Variants in SMG6 observed in about 807,000 individuals in gnomAD.
The protein encoded by SMG6 is telomerase-binding protein EST1A.
SMG6 carries 66 observed loss-of-function variants against 142.2 expected under a neutral mutation model. That is an observed-to-expected ratio of 0.46 (90% CI 0.38 to 0.57). The LOEUF (loss-of-function observed/expected upper bound fraction) is 0.57, where lower values mean the gene tolerates loss of function less well. Among genes scored for constraint, SMG6 ranks in the 20% least tolerant of loss-of-function variants. SMG6 has a pLI of 0.00. For synonymous variants in SMG6, 779 were observed against 702.4 expected, an observed-to-expected ratio of 1.11 and a Z score of -1.72; for missense variants, 1,793 against 1,832.0, an observed-to-expected ratio of 0.98 and a Z score of 0.39.
intron 15 of SMG6, among the ~76,000 whole-genome samples, chr17:2,070,835 T>A (rs1384293226): frequency 6.6e-6 from 1 of 152,090 alleles, no homozygotes; most frequent in Non-Finnish European, 1.5e-5. Context: ...ACCCTCTACA[T>A]AGGGCTGCCA....
chr17:2,194,707 CAAAACAA>C (rs2072267338), intron 10 of SMG6, among the ~76,000 whole-genome samples: 2 of 139,966 alleles, frequency 1.4e-5, no homozygotes, highest in South Asian at 2.2e-4. Flanking sequence ...GAAAACAAAA[CAAAACAA>C]AAAAAAAAAG....
At chr17:2,117,796 C>G (rs1158338683) in intron 13 of SMG6, 1 of 152,168 alleles carries the variant, frequency 6.6e-6, no homozygotes, top group Non-Finnish European at 1.5e-5. Flanking sequence ...GAAAGCATGA[C>G]ACCCCTGCTT....
chr17:2,170,985 G>GTA (rs2071485272), intron 13 of SMG6, among the ~76,000 whole-genome samples: 1 of 152,142 alleles, frequency 6.6e-6, no homozygotes, highest in African/African-American at 2.4e-5. Flanking sequence ...ATTACAAACA[G>GTA]TATATACAGC....
chr17:2,139,421 TTTTC>T (rs1411136655), intron 13 of SMG6, among the ~76,000 whole-genome samples: 1 of 133,844 alleles, frequency 7.5e-6, no homozygotes, highest in Non-Finnish European at 1.6e-5. Context: ...GTGCCTGCTT[TTTTC>T]TTTTTTTTTT....
intron 10 of SMG6, chr17:2,229,600 T>A (rs2073413622): frequency 6.6e-6 from 1 of 152,192 alleles, no homozygotes; most frequent in African/African-American, 2.4e-5. Context: ...GACAAGAGAA[T>A]CAAAGGAAAA....
chr17:2,170,820 G>A (rs1196472280), intron 13 of SMG6, among the ~76,000 whole-genome samples: 1 of 152,100 alleles, frequency 6.6e-6, no homozygotes, highest in Admixed American at 6.5e-5. Context: ...ACAAGAAATT[G>A]ATACACTATT....
chr17:2,278,726 T>C (rs2074716310), intron 8 of SMG6, among the ~76,000 whole-genome samples: 3 of 152,192 alleles, frequency 2.0e-5, no homozygotes, highest in African/African-American at 4.8e-5. Context: ...ACCGATTTGA[T>C]CATTACACAT....
intron 12 of SMG6, among the ~76,000 whole-genome samples, chr17:2,173,410 A>C (rs986579110): frequency 1.4e-4 from 22 of 152,306 alleles, no homozygotes; most frequent in African/African-American, 5.1e-4. Flanking sequence ...CAATCAACCA[A>C]TCACACAAAC....
intron 10 of SMG6, among the ~76,000 whole-genome samples, chr17:2,208,485 C>G (rs539726246): frequency 6.6e-6 from 1 of 152,296 alleles, no homozygotes; most frequent in Admixed American, 6.5e-5. Flanking sequence ...CAGCGCAGAC[C>G]CCACCAAATC....
intron 8 of SMG6, among the ~76,000 whole-genome samples, chr17:2,279,938 C>T (rs1018634589): frequency 2.6e-5 from 4 of 152,186 alleles, no homozygotes; most frequent in Admixed American, 6.5e-5. Context: ...GGTGTTCCAA[C>T]TGCATGCTCC....
chr17:2,078,176 G>C lies in SMG6; in HGVS notation c.3681+3634C>G, dbSNP rs549163039. On this transcript the variant is annotated intron_variant, in intron 15 of 18. Coordinates refer to ENST00000263073, the MANE Select transcript of SMG6 (RefSeq NM_017575.5). ...AAACAAGGCAAATGGCACCTTCTGGGGCTGTGCAATGCAGGGGCCTTGACT... is the reference window on the plus strand; with the variant it reads ...AAACAAGGCAAATGGCACCTTCTGGCGCTGTGCAATGCAGGGGCCTTGACT... Among the ~76,000 whole-genome samples the C allele has an allele frequency of 2.6e-5, 4 of 152,146 alleles. No homozygotes were observed. The South Asian group carries it at 8.3e-4, about 32-fold the overall frequency.
chr17:2,231,570 G>A (rs754319991), intron 10 of SMG6, among the ~76,000 whole-genome samples: 5 of 152,184 alleles, frequency 3.3e-5, no homozygotes, highest in East Asian at 1.9e-4. Flanking sequence ...GGTGGTGGGC[G>A]CCTGTGACCC....
In SMG6 at chr17:2,302,550, T is replaced by C. The variant is rs189705910; in HGVS notation, c.88+1083A>G. On this transcript the variant is annotated intron_variant, in intron 1 of 18. Transcript: ENST00000263073. ...AGCTAGACTCCGTCTCAAAAAATAA[T>C]AATAACAACAATAAAAAAGTTTTTA... Among the ~76,000 whole-genome samples, 4 of 152,222 alleles carry C rather than the reference T, an allele frequency of 2.6e-5. No individual in the cohort carries two copies. The East Asian group carries it at 7.7e-4, about 29-fold the overall frequency.
intron 9 of SMG6, chr17:2,237,628 A>T: frequency 2.2e-6 from 2 of 897,508 alleles, no homozygotes; most frequent in African/African-American, 1.8e-5. Flanking sequence ...TGCCACTCCC[A>T]ATACAGGAAG....
intron 18 of SMG6, 50 bp downstream of exon 18, chr17:2,065,023 G>C (rs2067897691): frequency 7.0e-7 from 1 of 1,419,080 alleles, no homozygotes. Context: ...TGGGTAGGAT[G>C]AGGTAGGGCA....
chr17:2,165,640 T>C (rs2071313413), intron 13 of SMG6, among the ~76,000 whole-genome samples: 1 of 152,218 alleles, frequency 6.6e-6, no homozygotes, highest in Non-Finnish European at 1.5e-5. Context: ...GGATTTCACC[T>C]ATTATCTGTG....
At chr17:2,236,169 TG>T (rs1482682095) in intron 10 of SMG6, 2 of 190,854 alleles carry the variant, frequency 1.0e-5, no homozygotes, top group African/African-American at 4.7e-5. Flanking sequence ...GCCTCTCCCT[TG>T]GGAGAGGCTC....
At chr17:2,207,251 C>T (rs1441688078) in intron 10 of SMG6, among the ~76,000 whole-genome samples, 1 of 152,072 alleles carries the variant, frequency 6.6e-6, no homozygotes, top group African/African-American at 2.4e-5. Context: ...TGCCACTGCA[C>T]TCCAACCTGG....
chr17:2,249,012 A>T (rs9303272), intron 8 of SMG6, among the ~76,000 whole-genome samples: 1 of 151,214 alleles, frequency 6.6e-6, no homozygotes, highest in Non-Finnish European at 1.5e-5. Flanking sequence ...TCAGCCTCCC[A>T]AGTAGCTGGG....
Sources: gnomAD v4.1 joint callset for allele counts (sites outside exome capture counted in the v4.1 genomes callset) on GRCh38, gnomAD v4.1.1 for gene constraint, MANE v1.5 for transcripts, NCBI Gene and HGNC (gene_info 2026-07-23, HGNC 2026-07-21) for gene names.